Variants in DPP6 observed in about 807,000 individuals in gnomAD.
DPP6 encodes dipeptidyl peptidase like 6.
A neutral mutation model predicts 122.6 loss-of-function variants in DPP6; 69 were observed. That is an observed-to-expected ratio of 0.56 (90% CI 0.46 to 0.69). DPP6 has a LOEUF of 0.69. Among genes scored for constraint, DPP6 ranks in the 30% least tolerant of loss-of-function variants. The pLI, the probability that DPP6 is intolerant of heterozygous loss-of-function variation, is 0.00. For missense variants in DPP6, 928 were observed against 1,116.9 expected (o/e 0.83, Z 2.41); for synonymous variants, 418 against 433.1 (o/e 0.97, Z 0.43).
At chr7:153,869,832 T>G in the DPP6 span, among the ~76,000 whole-genome samples, 13 of 152,306 alleles carry the variant, frequency 8.5e-5, no homozygotes, top group East Asian at 2.3e-3. Context: ...AGGAGCTCTT[T>G]TAGGGCAGGC....
At chr7:153,782,840 G>A in the DPP6 span, among the ~76,000 whole-genome samples, 1 of 152,110 alleles carries the variant, frequency 6.6e-6, no homozygotes, top group African/African-American at 2.4e-5. Context: ...TGGTTACCCA[G>A]GTTCCAGTCA....
intron 1 of DPP6, among the ~76,000 whole-genome samples, chr7:154,138,539 A>G (rs1350368005): frequency 2.6e-5 from 4 of 152,108 alleles, no homozygotes; most frequent in East Asian, 1.9e-4. Flanking sequence ...TAACTTGGCT[A>G]TGGTGGATCA....
At chr7:154,382,552 A>G (rs1302934413) in intron 1 of DPP6, among the ~76,000 whole-genome samples, 1 of 152,250 alleles carries the variant, frequency 6.6e-6, no homozygotes, top group Non-Finnish European at 1.5e-5. Context: ...GATGGTAACA[A>G]TAAAAATAGC....
chr7:154,706,470 A>G (rs1270678711), intron 7 of DPP6, among the ~76,000 whole-genome samples: 1 of 152,120 alleles, frequency 6.6e-6, no homozygotes, highest in Non-Finnish European at 1.5e-5. Flanking sequence ...GAATGTCAGG[A>G]TGCCTGGCCA....
intron 7 of DPP6, among the ~76,000 whole-genome samples, chr7:154,710,017 C>T (rs901490971): frequency 1.3e-5 from 2 of 152,192 alleles, no homozygotes; most frequent in African/African-American, 2.4e-5. Flanking sequence ...GGGGCAGCAA[C>T]GGTCAGCCAG....
chr7:154,010,421 T>C (rs1211005079), intron 1 of DPP6, among the ~76,000 whole-genome samples: 4 of 152,256 alleles, frequency 2.6e-5, no homozygotes, highest in African/African-American at 9.6e-5. Flanking sequence ...TCTGAAATAA[T>C]GGAAGTCAGA....
chr7:154,794,217 G>C lies in DPP6; in HGVS notation c.1260+15G>C. 6.3e-7 allele frequency: 1 copy of C among 1,594,270 alleles called. No homozygotes were observed. The highest frequency in any genetic ancestry group is 8.6e-7 in the Non-Finnish European group (1 of 1,168,182). On this transcript the variant is annotated intron_variant, in intron 11 of 25. Coordinates refer to ENST00000377770, the MANE Select transcript of DPP6 (RefSeq NM_130797.4). ...TCTGCACGAAGGTACGCGGGGCTGT[G>C]GGGGTGGAGGGGAGACGGGTGAAGA...
Position 154,556,070 on chromosome 7 carries a change from A to G in DPP6, c.553-10772A>G, listed in dbSNP as rs553082104. ...GTAGCCATGAAGCATTTCAAAATGC[A>G]TAGTAATGTATACTCTTTTACCTGC... On this transcript the variant is annotated intron_variant, in intron 4 of 25. Transcript: ENST00000377770. 1.3e-3 allele frequency among the ~76,000 whole-genome samples: 194 copies of G among 152,346 alleles called. 4 individuals are homozygous for G. The highest frequency in any genetic ancestry group is 1.0e-3 in the Admixed American group (16 of 15,298).
At chr7:154,102,685 A>G (rs1805836988) in intron 1 of DPP6, among the ~76,000 whole-genome samples, 1 of 152,182 alleles carries the variant, frequency 6.6e-6, no homozygotes, top group Non-Finnish European at 1.5e-5. Context: ...TTGATCAAAA[A>G]AATCACAAGA....
chr7:154,550,307 G>T (rs991830465), intron 4 of DPP6, among the ~76,000 whole-genome samples: 16 of 151,598 alleles, frequency 1.1e-4, no homozygotes, highest in African/African-American at 3.9e-4. Flanking sequence ...TAACTCAGAA[G>T]ATACAGCTTT....
chr7:154,370,358 T>C (rs1179743850), intron 1 of DPP6, among the ~76,000 whole-genome samples: 7 of 91,254 alleles, frequency 7.7e-5, no homozygotes, highest in African/African-American at 3.1e-4. Context: ...GACAGGCCTA[T>C]GGGAGGGGTG....
chr7:154,362,962 G>T (rs566730144), intron 1 of DPP6, among the ~76,000 whole-genome samples: 2 of 152,138 alleles, frequency 1.3e-5, no homozygotes, highest in African/African-American at 2.4e-5. Context: ...GATGGTTCCC[G>T]TGCACATGAA....
the DPP6 span, among the ~76,000 whole-genome samples, chr7:153,810,702 C>A: frequency 4.0e-5 from 5 of 125,796 alleles, no homozygotes; most frequent in African/African-American, 1.4e-4. Flanking sequence ...CTCTCTCTCT[C>A]TCTCTCTCTC....
At chr7:154,088,289 A>G (rs781271807) in intron 1 of DPP6, among the ~76,000 whole-genome samples, 1 of 149,450 alleles carries the variant, frequency 6.7e-6, no homozygotes, top group Non-Finnish European at 1.5e-5. Context: ...GCTGCATTCC[A>G]TTCTGGCCCA....
intron 1 of DPP6, among the ~76,000 whole-genome samples, chr7:153,945,049 G>A (rs945936324): frequency 6.6e-6 from 1 of 152,108 alleles, no homozygotes; most frequent in Non-Finnish European, 1.5e-5. Context: ...TTGGCTTAGG[G>A]TAACTGACTC....
intron 1 of DPP6, among the ~76,000 whole-genome samples, chr7:154,293,904 G>A (rs570239856): frequency 4.9e-4 from 74 of 152,122 alleles, no homozygotes; most frequent in African/African-American, 8.4e-4. Flanking sequence ...TGTTTCCTGT[G>A]TGCTAAGCGC....
intron 4 of DPP6, among the ~76,000 whole-genome samples, chr7:154,565,350 C>T (rs1323115705): frequency 6.6e-6 from 1 of 152,148 alleles, no homozygotes; most frequent in Non-Finnish European, 1.5e-5. Flanking sequence ...TGAATTGTCT[C>T]CCTTTGTTGA....
intron 1 of DPP6, among the ~76,000 whole-genome samples, chr7:154,164,288 C>T (rs1430718398): frequency 6.9e-6 from 1 of 143,960 alleles, no homozygotes; most frequent in Non-Finnish European, 1.5e-5. Context: ...TTCCCTCCTT[C>T]CTCCAGGAAT....
At chr7:154,854,558 G>A (rs1802666122) in intron 17 of DPP6, among the ~76,000 whole-genome samples, 2 of 152,162 alleles carry the variant, frequency 1.3e-5, no homozygotes, top group Admixed American at 6.5e-5. Flanking sequence ...TCAGATATCA[G>A]GGGTGGAGAC....
Sources: allele counts gnomAD v4.1 joint callset (sites outside exome capture counted in the v4.1 genomes callset), GRCh38; gene constraint gnomAD v4.1.1; transcripts MANE v1.5; gene names NCBI Gene and HGNC (gene_info 2026-07-23, HGNC 2026-07-21).